HOMER1: variants seen among roughly 807,000 people sequenced by gnomAD.
The protein encoded by HOMER1 is homer scaffold protein 1, also known as homer protein homolog 1.
A neutral mutation model predicts 48.9 loss-of-function variants in HOMER1; 3 were observed. That is an observed-to-expected ratio of 0.06 (90% CI 0.03 to 0.16). The LOEUF (loss-of-function observed/expected upper bound fraction) is 0.16, where lower values mean the gene tolerates loss of function less well. HOMER1 is among the 10% of genes least tolerant of loss of function. The probability of loss-of-function intolerance (pLI) is 1.00; values close to 1 mark genes in which losing one functional copy is unlikely to be tolerated. For missense variants in HOMER1, 247 were observed against 411.4 expected (o/e 0.60, Z 3.46); for synonymous variants, 134 against 146.4 (o/e 0.92, Z 0.61).
chr5:79,396,921 A>C lies in HOMER1; in HGVS notation c.796-18T>G. The C allele has an allele frequency of 2.2e-6, 3 of 1,353,040 alleles. No homozygotes were observed. Among genetic ancestry groups the C allele is most frequent in the Non-Finnish European group, 3.2e-6 (3 of 949,604 alleles). The allele number at this position is 1,353,040 out of a possible 1,614,324, so 83.8% of individuals were successfully genotyped here. A position where few individuals can be genotyped will look rare whatever the true frequency, so the allele number is the denominator to read the frequency against. On this transcript the variant is annotated intron_variant, in intron 7 of 8. Coordinates refer to ENST00000334082, the MANE Select transcript of HOMER1 (RefSeq NM_004272.5). ...TCTATTTCCTAGAAAAGACAGAGCA[A>C]TGTCTTAACATTCAAACTATATCAA... is the stretch of plus-strand genomic sequence containing the variant.
chr5:79,440,250 C>T (rs1750703706), intron 4 of HOMER1, among the ~76,000 whole-genome samples: 1 of 152,152 alleles, frequency 6.6e-6, no homozygotes, highest in Non-Finnish European at 1.5e-5. Context: ...ATATCCTTCA[C>T]ATTTAGAATG....
chr5:79,445,915 AAAAT>A (rs1465429681), intron 4 of HOMER1, among the ~76,000 whole-genome samples: 1 of 152,250 alleles, frequency 6.6e-6, no homozygotes, highest in African/African-American at 2.4e-5. Flanking sequence ...CTCTAGCTCA[AAAAT>A]AAATAAATAA....
intron 1 of HOMER1, among the ~76,000 whole-genome samples, chr5:79,499,428 G>A (rs573087882): frequency 7.9e-5 from 12 of 151,946 alleles, no homozygotes; most frequent in African/African-American, 2.9e-4. Context: ...ACATGGGTTT[G>A]GACTGCACCA....
chr5:79,411,526 G>C (rs1368799758), intron 5 of HOMER1, among the ~76,000 whole-genome samples: 1 of 152,006 alleles, frequency 6.6e-6, no homozygotes, highest in African/African-American at 2.4e-5. Context: ...TCTATGAGAA[G>C]ATATTAAACT....
chr5:79,497,336 T>C (rs921162019), intron 1 of HOMER1, among the ~76,000 whole-genome samples: 1 of 151,820 alleles, frequency 6.6e-6, no homozygotes, highest in African/African-American at 2.4e-5. Flanking sequence ...CAGTTTCAAG[T>C]TGTCTTGGAT....
chr5:79,402,903 C>G (rs1031892006), intron 5 of HOMER1, among the ~76,000 whole-genome samples: 3 of 152,130 alleles, frequency 2.0e-5, no homozygotes, highest in Non-Finnish European at 4.4e-5. Context: ...CTACAATAAA[C>G]TGATTTCATA....
chr5:79,378,959 A>G (rs1414135557), intron 8 of HOMER1, among the ~76,000 whole-genome samples: 1 of 149,702 alleles, frequency 6.7e-6, no homozygotes, highest in Non-Finnish European at 1.5e-5. Flanking sequence ...TGATGGTGCT[A>G]GTCTATTTTT....
intron 1 of HOMER1, among the ~76,000 whole-genome samples, chr5:79,459,676 T>C (rs1751262897): frequency 6.6e-6 from 1 of 152,334 alleles, no homozygotes; most frequent in South Asian, 2.1e-4. Flanking sequence ...AGATGTAGGA[T>C]CCAGATGGTC....
intron 2 of HOMER1, among the ~76,000 whole-genome samples, chr5:79,453,455 C>T (rs1034966615): frequency 7.9e-5 from 12 of 152,098 alleles, no homozygotes; most frequent in African/African-American, 2.9e-4. Context: ...TGAACCTTTC[C>T]CTTGTCTCTG....
Position 79,375,980 on chromosome 5 carries a change from A to T in HOMER1, c.*29T>A. On this transcript the variant is annotated 3_prime_UTR_variant, in exon 9 of 9. Transcript: ENST00000334082. Reference sequence around the variant, plus strand: ...TATGAAGAGAGACAGTGTATCTTTTAATTAATTGGCACTGAAATTTCACTT... The same window carrying T: ...TATGAAGAGAGACAGTGTATCTTTTTATTAATTGGCACTGAAATTTCACTT... 6.8e-7 allele frequency: 1 copy of T among 1,475,418 alleles called. No individual in the cohort carries two copies. Among genetic ancestry groups the T allele is most frequent in the Non-Finnish European group, 9.2e-7 (1 of 1,081,936 alleles). 91.4% of individuals were successfully genotyped at this position (1,475,418 alleles called of 1,614,324 possible).
chr5:79,447,965 T>G lies in HOMER1; in HGVS notation c.295-820A>C, dbSNP rs367629603. Among the ~76,000 whole-genome samples the G allele has an allele frequency of 1.3e-4, 20 of 152,304 alleles. 1 individual carries two copies. Among genetic ancestry groups the G allele is most frequent in the Admixed American group, 5.9e-4 (9 of 15,290 alleles). The stretch of plus-strand genomic sequence containing the variant: ...TCTGTTAGAGCTGGTAATTAAAACA[T>G]GAAATTATAGTTCCTTTCTCAAACC... On this transcript the variant is annotated intron_variant, in intron 3 of 8. Coordinates refer to ENST00000334082, the MANE Select transcript of HOMER1 (RefSeq NM_004272.5).
intron 8 of HOMER1, among the ~76,000 whole-genome samples, chr5:79,379,461 A>C (rs1447779504): frequency 1.7e-4 from 18 of 107,186 alleles, no homozygotes; most frequent in African/African-American, 6.6e-4. Context: ...AATATATAAT[A>C]TATATTTTAT....
chr5:79,476,882 T>G (rs777050065), intron 1 of HOMER1, among the ~76,000 whole-genome samples: 1 of 152,206 alleles, frequency 6.6e-6, no homozygotes, highest in East Asian at 1.9e-4. Context: ...ATAAACTGAT[T>G]GAAAAAACCC....
At chr5:79,407,194 A>ATAAT (rs1015319471) in intron 5 of HOMER1, among the ~76,000 whole-genome samples, 4 of 152,174 alleles carry the variant, frequency 2.6e-5, no homozygotes, top group African/African-American at 9.7e-5. Flanking sequence ...ACTAACTTTC[A>ATAAT]TAATAACAGC....
intron 5 of HOMER1, among the ~76,000 whole-genome samples, chr5:79,422,235 T>TAA (rs879563017): frequency 3.5e-4 from 50 of 142,620 alleles, no homozygotes; most frequent in African/African-American, 1.2e-3. Context: ...TCAAAAAAAT[T>TAA]AAAAAAAAAA....
intron 8 of HOMER1, among the ~76,000 whole-genome samples, chr5:79,381,794 A>G (rs1415341090): frequency 1.3e-5 from 2 of 152,114 alleles, no homozygotes; most frequent in African/African-American, 4.8e-5. Context: ...CTGAGGCAGG[A>G]GAATCACATG....
At chr5:79,478,652 T>C (rs571700390) in intron 1 of HOMER1, among the ~76,000 whole-genome samples, 2 of 151,552 alleles carry the variant, frequency 1.3e-5, no homozygotes, top group African/African-American at 4.8e-5. Flanking sequence ...AATTCCAATC[T>C]CTCAAAAATC....
chr5:79,511,078 G>T (rs536524818), intron 1 of HOMER1, among the ~76,000 whole-genome samples: 2 of 152,318 alleles, frequency 1.3e-5, no homozygotes, highest in East Asian at 1.9e-4. Flanking sequence ...GCAGCTTAAA[G>T]GTTCTGGAAA....
rs575715118 is a variant in HOMER1 at position 79,375,475 on chromosome 5, C to T, written c.*534G>A. The stretch of plus-strand genomic sequence containing the variant: ...ATATTTCAATTAAAGATACAGCTCT[C>T]TCTCACTCCTGGCAAGAATTAATTG... On this transcript the variant is annotated 3_prime_UTR_variant, in exon 9 of 9. Coordinates refer to ENST00000334082, the MANE Select transcript of HOMER1 (RefSeq NM_004272.5). 1.3e-5 allele frequency: 2 copies of T among 152,204 alleles called. No individual in the cohort carries two copies. The highest frequency in any genetic ancestry group is 1.9e-4 in the East Asian group (1 of 5,186). 9.4% of individuals were successfully genotyped at this position (152,204 alleles called of 1,614,324 possible). A position where few individuals can be genotyped will look rare whatever the true frequency, so the allele number is the denominator to read the frequency against.
Sources: gnomAD v4.1 joint callset for allele counts (sites outside exome capture counted in the v4.1 genomes callset) on GRCh38, gnomAD v4.1.1 for gene constraint, MANE v1.5 for transcripts, NCBI Gene and HGNC (gene_info 2026-07-23, HGNC 2026-07-21) for gene names.